The following SGF29 variants were observed in gnomAD, a reference collection of about 807,000 sequenced individuals.
SGF29 encodes the protein SAGA-associated factor 29.
SGF29 carries 15 observed loss-of-function variants against 38.1 expected under a neutral mutation model. That is an observed-to-expected ratio of 0.39 (90% CI 0.26 to 0.61). The LOEUF (loss-of-function observed/expected upper bound fraction) is 0.61. Among genes scored for constraint, SGF29 ranks in the 20% least tolerant of loss-of-function variants. SGF29 has a pLI of 0.49. For missense variants in SGF29, 184 were observed against 394.6 expected (o/e 0.47, Z 4.52); for synonymous variants, 151 against 160.8 (o/e 0.94, Z 0.46).
intron 1 of SGF29, among the ~76,000 whole-genome samples, chr16:28,564,391 C>T (rs369311796): frequency 1.5e-4 from 22 of 150,582 alleles, no homozygotes; most frequent in Non-Finnish European, 8.8e-5. Context: ...GATCCCGGAG[C>T]GATCTTCCAC....
chr16:28,564,675 GTATATATATGTGTA>G (rs1567285853), intron 1 of SGF29, among the ~76,000 whole-genome samples: 1 of 74,148 alleles, frequency 1.3e-5, no homozygotes, highest in African/African-American at 5.2e-5. Flanking sequence ...GCATATATAT[GTATATATATGTGTA>G]TATATATGTA....
intron 1 of SGF29, among the ~76,000 whole-genome samples, chr16:28,579,026 ATCCTCCTACCTTC>A (rs1300497551): frequency 1.3e-5 from 2 of 152,150 alleles, no homozygotes; most frequent in Non-Finnish European, 1.5e-5. Flanking sequence ...GACTCAAACC[ATCCTCCTACCTTC>A]GCCTCCCAAA....
chr16:28,562,007 G>C (rs2046793383), intron 1 of SGF29, among the ~76,000 whole-genome samples: 1 of 152,188 alleles, frequency 6.6e-6, no homozygotes, highest in African/African-American at 2.4e-5. Flanking sequence ...TAAAATCATA[G>C]GAAGAGCTTG....
At position 28,578,296 on chromosome 16, in the gene SGF29, T is replaced by C. The variant is rs550886125; in HGVS notation, c.-15-2759T>C. ...TGTCATCTGCAAATAGAAATAGTTG[T>C]ACTTCTTCCTTTCCAATGTGGATGC... is the stretch of plus-strand genomic sequence containing the variant. On this transcript the variant is annotated intron_variant, in intron 1 of 9. Transcript: ENST00000317058. Among the ~76,000 whole-genome samples the C allele has an allele frequency of 9.2e-5, 14 of 152,238 alleles. No homozygotes were observed. The South Asian group carries it at 2.3e-3, about 25-fold the overall frequency.
chr16:28,590,285 T>C lies in SGF29; in HGVS notation c.420-11T>C. On this transcript the variant is annotated splice_polypyrimidine_tract_variant and intron_variant, in intron 6 of 9. Transcript: ENST00000317058. This position sits in a 1 kb window ranked among gnomAD's most constrained non-coding sequence, Gnocchi z 8.2. ...CCAGGGGCTGGGACTGACCCTTTGTTCCACTCACAGGCCCCCACCCCTCTG... is the reference window on the plus strand; with the variant it reads ...CCAGGGGCTGGGACTGACCCTTTGTCCCACTCACAGGCCCCCACCCCTCTG... The C allele has an allele frequency of 1.2e-6, 2 of 1,608,588 alleles. No individual in the cohort carries two copies. Among genetic ancestry groups the C allele is most frequent in the Non-Finnish European group, 1.7e-6 (2 of 1,177,728 alleles).
intron 4 of SGF29, among the ~76,000 whole-genome samples, chr16:28,587,517 G>A (rs1357747043): frequency 6.6e-6 from 1 of 152,206 alleles, no homozygotes; most frequent in African/African-American, 2.4e-5. Flanking sequence ...CAGCAGGCAA[G>A]CTGTTCCTTG....
chr16:28,580,807 G>A (rs1315971477), intron 1 of SGF29, among the ~76,000 whole-genome samples: 3 of 152,096 alleles, frequency 2.0e-5, no homozygotes, highest in African/African-American at 7.2e-5. Context: ...TTAGCTTCTC[G>A]AATAGCTGGG....
intron 9 of SGF29, among the ~76,000 whole-genome samples, chr16:28,591,175 G>A (rs777862177): frequency 6.6e-5 from 10 of 152,026 alleles, no homozygotes; most frequent in Admixed American, 2.0e-4. Context: ...AACCAGCTCC[G>A]AGATGGGAAG....
At chr16:28,562,814 G>A (rs2046797222) in intron 1 of SGF29, among the ~76,000 whole-genome samples, 1 of 149,980 alleles carries the variant, frequency 6.7e-6, no homozygotes, top group Admixed American at 6.7e-5. Flanking sequence ...TGAGGTGGGA[G>A]GATCACTTGA....
At chr16:28,563,715 C>CTTTTTTTTT (rs11445174) in intron 1 of SGF29, among the ~76,000 whole-genome samples, 7 of 80,832 alleles carry the variant, frequency 8.7e-5, no homozygotes, top group Non-Finnish European at 1.7e-4. Flanking sequence ...GAGAAACAGA[C>CTTTTTTTTT]TTTTTTTTTT....
intron 5 of SGF29, chr16:28,589,526 C>T (rs974119348): frequency 8.0e-6 from 2 of 251,442 alleles, no homozygotes; most frequent in Non-Finnish European, 1.6e-5. Context: ...CCTTCCAGAC[C>T]CCCTCAGCCT....
At chr16:28,564,641 A>ATG (rs199784506) in intron 1 of SGF29, among the ~76,000 whole-genome samples, 5,036 of 112,888 alleles carry the variant, frequency 0.045, 449 homozygotes, top group Middle Eastern at 0.14. Context: ...ATACGTATAT[A>ATG]TGTGTATATA....
intron 5 of SGF29, 58 bp downstream of exon 5, chr16:28,589,222 C>A: frequency 1.3e-6 from 2 of 1,584,126 alleles, no homozygotes; most frequent in South Asian, 1.1e-5. Context: ...AGAGGCCCTG[C>A]GGGCAGCAGT....
At chr16:28,572,666 C>T (rs2046871872) in intron 1 of SGF29, among the ~76,000 whole-genome samples, 2 of 152,260 alleles carry the variant, frequency 1.3e-5, no homozygotes, top group African/African-American at 4.8e-5. Context: ...GTCAGGCAAG[C>T]GCAGCCTTGA....
At chr16:28,580,249 A>C (rs1310329746) in intron 1 of SGF29, among the ~76,000 whole-genome samples, 2 of 152,192 alleles carry the variant, frequency 1.3e-5, no homozygotes, top group Non-Finnish European at 2.9e-5. Context: ...AGGGTGGAGG[A>C]GAATCCAAGG....
At chr16:28,569,765 TGGAA>T (rs2046854177) in intron 1 of SGF29, among the ~76,000 whole-genome samples, 1 of 152,080 alleles carries the variant, frequency 6.6e-6, no homozygotes, top group Non-Finnish European at 1.5e-5. Context: ...ATCAAGACAA[TGGAA>T]GGATGACCCC....
At position 28,589,107 on chromosome 16, in the gene SGF29, C is replaced by T. The variant is rs770851630; in HGVS notation, c.232C>T (p.Arg78Trp). 20 of 1,614,046 alleles carry T rather than the reference C, an allele frequency of 1.2e-5. No individual in the cohort carries two copies. The Admixed American group carries it at 2.7e-4, about 22-fold the overall frequency. The part of the protein sequence containing the change: ...ADAEAECNIL[R>W]KALDKIAEIK... The stretch of plus-strand genomic sequence containing the variant: ...CCTTCTCCCCGCCCTCAGCATCCTT[C>T]GGAAAGCTCTGGACAAGATCGCGGA... Residue 78 changes from arginine (R) to tryptophan (W), a missense_variant, in exon 5 of 10, where the codon CGG becomes TGG. Coordinates refer to ENST00000317058, the MANE Select transcript of SGF29 (RefSeq NM_138414.3).
chr16:28,554,256 G>T (rs1339477188), intron 1 of SGF29, 159 bp downstream of exon 1: 4 of 151,636 alleles, frequency 2.6e-5, no homozygotes, highest in East Asian at 2.0e-4. Flanking sequence ...TCGTGGGGGT[G>T]GGGGCGGGAG....
chr16:28,584,914 AAG>A lies in SGF29; in HGVS notation c.80_81del (p.Glu27AlafsTer16). On this transcript the variant is annotated frameshift_variant and splice_region_variant, in exon 3 of 10. Coordinates refer to ENST00000317058, the MANE Select transcript of SGF29 (RefSeq NM_138414.3). LOFTEE classifies it high-confidence loss of function. ...GTCCTGCTGCTCTTTTCCTTACAGG[AAG>A]AGCGTTCGCGGAGCGAACACAACTT... The A allele has an allele frequency of 6.2e-7, 1 of 1,613,202 alleles. No individual in the cohort carries two copies. Among genetic ancestry groups the A allele is most frequent in the Non-Finnish European group, 8.5e-7 (1 of 1,179,584 alleles).
Sources: allele counts gnomAD v4.1 joint callset (sites outside exome capture counted in the v4.1 genomes callset), GRCh38; gene constraint gnomAD v4.1.1; non-coding constraint Gnocchi (gnomAD v3.1); transcripts MANE v1.5; gene names NCBI Gene and HGNC (gene_info 2026-07-23, HGNC 2026-07-21).